Variants in FGGY observed in about 807,000 individuals in gnomAD.
The protein encoded by FGGY is FGGY carbohydrate kinase domain-containing protein.
A neutral mutation model predicts 71.3 loss-of-function variants in FGGY; 72 were observed. The ratio of observed to expected loss-of-function variants is 1.01; its 90% CI spans 0.84 to 1.23. The LOEUF (loss-of-function observed/expected upper bound fraction) is 1.23, where lower values mean the gene tolerates loss of function less well. FGGY is among the 50% of genes most tolerant of loss of function. FGGY has a pLI of 0.00. For synonymous variants in FGGY, 251 were observed against 250.3 expected, an observed-to-expected ratio of 1.00 and a Z score of -0.02; for missense variants, 668 against 682.3, an observed-to-expected ratio of 0.98 and a Z score of 0.23.
At chr1:59,297,089 G>A (rs1033041882), upstream of FGGY, 3 of 152,602 alleles carry the variant, frequency 2.0e-5, no homozygotes, top group Non-Finnish European at 4.4e-5. Flanking sequence ...TGGCCGCTTA[G>A]TCTCACACCC....
chr1:59,313,590 A>G (rs894530158), intron 1 of FGGY, among the ~76,000 whole-genome samples: 5 of 151,364 alleles, frequency 3.3e-5, no homozygotes, highest in Admixed American at 2.0e-4. Context: ...ACACGCACGC[A>G]CACACACACA....
At chr1:59,388,839 T>C (rs2060376304) in intron 5 of FGGY, among the ~76,000 whole-genome samples, 1 of 152,174 alleles carries the variant, frequency 6.6e-6, no homozygotes, top group South Asian at 2.1e-4. Flanking sequence ...TGTCATGAAT[T>C]ACATTCCTCA....
chr1:59,698,671 C>G, intron 14 of FGGY: 1 of 850,748 alleles, frequency 1.2e-6, no homozygotes. Context: ...TCTCCCCTTT[C>G]TTTTGATAAA....
At chr1:59,350,123 A>G (rs2052953542) in intron 4 of FGGY, among the ~76,000 whole-genome samples, 1 of 152,014 alleles carries the variant, frequency 6.6e-6, no homozygotes, top group Non-Finnish European at 1.5e-5. Context: ...AAAGCATGAG[A>G]TTCTGTGTTC....
At chr1:59,719,359 A>G (rs978179280) in intron 14 of FGGY, among the ~76,000 whole-genome samples, 1 of 152,140 alleles carries the variant, frequency 6.6e-6, no homozygotes, top group Non-Finnish European at 1.5e-5. Context: ...CAGTTCTGCC[A>G]CTTGCTAGCC....
intron 6 of FGGY, among the ~76,000 whole-genome samples, chr1:59,473,510 A>T (rs1023449828): frequency 2.0e-5 from 3 of 152,182 alleles, no homozygotes; most frequent in African/African-American, 7.2e-5. Flanking sequence ...ACCAGAAAAG[A>T]GGGGAAATGG....
intron 8 of FGGY, among the ~76,000 whole-genome samples, chr1:59,579,301 C>T (rs939735724): frequency 3.3e-5 from 5 of 152,108 alleles, no homozygotes; most frequent in Non-Finnish European, 7.3e-5. Context: ...CTGCCCATTT[C>T]CCCTTGCTTC....
At chr1:59,488,277 C>T (rs2093715129) in intron 6 of FGGY, among the ~76,000 whole-genome samples, 1 of 151,662 alleles carries the variant, frequency 6.6e-6, no homozygotes, top group Admixed American at 6.6e-5. Flanking sequence ...CTGCAGGGAA[C>T]CTTTTTATTT....
At chr1:59,572,674 G>A (rs1391851752) in intron 8 of FGGY, among the ~76,000 whole-genome samples, 1 of 152,082 alleles carries the variant, frequency 6.6e-6, no homozygotes, top group African/African-American at 2.4e-5. Flanking sequence ...ATGAGATGTC[G>A]ATATATTGGA....
chr1:59,484,592 T>C (rs2093603368), intron 6 of FGGY, among the ~76,000 whole-genome samples: 1 of 152,186 alleles, frequency 6.6e-6, no homozygotes, highest in Admixed American at 6.5e-5. Flanking sequence ...GAAAAATGCA[T>C]CAGTAAATAA....
chr1:59,682,386 G>A (rs1373329787), intron 14 of FGGY, among the ~76,000 whole-genome samples: 3 of 152,182 alleles, frequency 2.0e-5, no homozygotes, highest in Admixed American at 2.0e-4. Context: ...GTCCTCACAG[G>A]TAAACAGAGG....
At chr1:59,447,000 A>G (rs779088817) in intron 5 of FGGY, among the ~76,000 whole-genome samples, 5 of 152,196 alleles carry the variant, frequency 3.3e-5, no homozygotes, top group Admixed American at 6.5e-5. Context: ...AAGCAGGAGA[A>G]TAAAAAGTTC....
At chr1:59,505,006 A>C (rs1349022133) in intron 6 of FGGY, among the ~76,000 whole-genome samples, 3 of 152,220 alleles carry the variant, frequency 2.0e-5, no homozygotes, top group Non-Finnish European at 4.4e-5. Flanking sequence ...GTCTAGTGGG[A>C]AAGAGAGATC....
intron 4 of FGGY, among the ~76,000 whole-genome samples, chr1:59,352,702 A>T (rs114308143): frequency 0.024 from 3,720 of 152,186 alleles, 174 homozygotes; most frequent in African/African-American, 0.086. Context: ...TGAAAAGAAA[A>T]CCCTGCTGCA....
At chr1:59,328,833 GGAA>G (rs2047909597) in intron 2 of FGGY, among the ~76,000 whole-genome samples, 1 of 151,632 alleles carries the variant, frequency 6.6e-6, no homozygotes, top group South Asian at 2.1e-4. Flanking sequence ...AGAGAGATGA[GGAA>G]TAGCTAGTCT....
chr1:59,599,337 TC>T (rs147849673), intron 8 of FGGY, among the ~76,000 whole-genome samples: 19,448 of 151,772 alleles, frequency 0.13, 1,506 homozygotes, highest in South Asian at 0.3. Context: ...ACTCCTGACC[TC>T]CCAGTGATCT....
At chr1:59,530,379 A>C (rs1033365468) in intron 7 of FGGY, among the ~76,000 whole-genome samples, 4 of 152,222 alleles carry the variant, frequency 2.6e-5, no homozygotes, top group African/African-American at 9.6e-5. Context: ...TCTGCCTTTC[A>C]TGTCAGGTAC....
At chr1:59,514,171 A>C (rs559906652) in intron 7 of FGGY, among the ~76,000 whole-genome samples, 18 of 152,328 alleles carry the variant, frequency 1.2e-4, no homozygotes, top group Non-Finnish European at 2.4e-4. Flanking sequence ...CAATCCTGAC[A>C]TTCCAGATCA....
At chr1:59,672,324 C>T (rs979580735) in intron 13 of FGGY, among the ~76,000 whole-genome samples, 6 of 152,190 alleles carry the variant, frequency 3.9e-5, no homozygotes, top group African/African-American at 1.2e-4. Flanking sequence ...ATCATTTCTC[C>T]AGGGCTTACT....
Sources: allele counts gnomAD v4.1 joint callset (sites outside exome capture counted in the v4.1 genomes callset), GRCh38; gene constraint gnomAD v4.1.1; transcripts MANE v1.5; gene names NCBI Gene and HGNC (gene_info 2026-07-23, HGNC 2026-07-21).